HTR1F: variants seen among roughly 807,000 people sequenced by gnomAD.
HTR1F encodes the protein 5-hydroxytryptamine receptor 1F.
Under a neutral mutation model 24.0 loss-of-function variants are expected in HTR1F, and 17 were observed. The observed-to-expected ratio is 0.71, with a 90% CI of 0.48 to 1.06. The LOEUF is 1.06. Among genes scored for constraint, HTR1F ranks in the 50% least tolerant of loss-of-function variants. The pLI is 0.00. For missense variants in HTR1F, 391 were observed against 427.8 expected (o/e 0.91, Z 0.76); for synonymous variants, 186 against 156.8 (o/e 1.19, Z -1.39).
At chr3:87,838,654 A>G (rs1704732936) in intron 2 of HTR1F, among the ~76,000 whole-genome samples, 1 of 152,124 alleles carries the variant, frequency 6.6e-6, no homozygotes, top group Admixed American at 6.6e-5. Context: ...TATCCACTCA[A>G]TAATGGACTG....
chr3:87,889,988 A>C (rs1178118629), intron 2 of HTR1F, among the ~76,000 whole-genome samples: 1 of 152,232 alleles, frequency 6.6e-6, no homozygotes, highest in Non-Finnish European at 1.5e-5. Flanking sequence ...TAAAATTGTC[A>C]AAAGACACAA....
At chr3:87,929,490 T>A (rs1704207971) in intron 2 of HTR1F, among the ~76,000 whole-genome samples, 1 of 152,146 alleles carries the variant, frequency 6.6e-6, no homozygotes, top group Admixed American at 6.6e-5. Flanking sequence ...TAATAGGATA[T>A]AATTTATAGA....
rs113421002 is a variant in HTR1F, at chr3:87,859,153, G to A, written c.-43+37029G>A. The stretch of plus-strand genomic sequence containing the variant: ...GTGGAGGTTGCAGTGAGCCAAGATC[G>A]TGCCACTGCACTCCAGCCTCGGCAA... On this transcript the variant is annotated intron_variant, in intron 2 of 2. Coordinates refer to ENST00000319595, the MANE Select transcript of HTR1F (RefSeq NM_001322209.2). Among the ~76,000 whole-genome samples, 28 of 152,318 alleles carry A rather than the reference G, an allele frequency of 1.8e-4. 1 individual carries two copies. Among genetic ancestry groups the A allele is most frequent in the African/African-American group, 6.5e-4 (27 of 41,576 alleles).
At chr3:87,949,225 G>T (rs914754374) in intron 2 of HTR1F, among the ~76,000 whole-genome samples, 3 of 152,042 alleles carry the variant, frequency 2.0e-5, no homozygotes, top group Non-Finnish European at 4.4e-5. Flanking sequence ...GATCCTTTAG[G>T]GTAGTTTCTA....
chr3:87,871,709 C>A (rs1351205602), intron 2 of HTR1F, among the ~76,000 whole-genome samples: 51 of 152,050 alleles, frequency 3.4e-4, no homozygotes, highest in Non-Finnish European at 4.4e-5. Context: ...ATAAGATTAT[C>A]AGTGACTTAT....
chr3:87,918,065 T>G (rs1207112095), intron 2 of HTR1F, among the ~76,000 whole-genome samples: 4 of 151,988 alleles, frequency 2.6e-5, no homozygotes, highest in Non-Finnish European at 4.4e-5. Context: ...TGATTTAACA[T>G]ACACAAGTCA....
intron 2 of HTR1F, among the ~76,000 whole-genome samples, chr3:87,885,209 A>C (rs1559618699): frequency 6.6e-6 from 1 of 152,188 alleles, no homozygotes; most frequent in Non-Finnish European, 1.5e-5. Context: ...ACACAACTAC[A>C]TGGAAACTGA....
intron 1 of HTR1F, among the ~76,000 whole-genome samples, chr3:87,803,506 A>G (rs1165431963): frequency 6.6e-6 from 1 of 152,166 alleles, no homozygotes; most frequent in African/African-American, 2.4e-5. Context: ...CTACTGTGAA[A>G]TTGTAAGTAG....
chr3:87,876,486 A>G (rs1705675117), intron 2 of HTR1F, among the ~76,000 whole-genome samples: 1 of 152,244 alleles, frequency 6.6e-6, no homozygotes, highest in Non-Finnish European at 1.5e-5. Flanking sequence ...TGAATCTTGA[A>G]GACGTTATAC....
chr3:87,797,364 T>C (rs1575880219), intron 1 of HTR1F, among the ~76,000 whole-genome samples: 2 of 152,160 alleles, frequency 1.3e-5, no homozygotes, highest in East Asian at 3.9e-4. Flanking sequence ...TAGGCAGCTT[T>C]CCATATGTTA....
chr3:87,845,863 C>A (rs1223570810), intron 2 of HTR1F, among the ~76,000 whole-genome samples: 1 of 151,886 alleles, frequency 6.6e-6, no homozygotes, highest in Non-Finnish European at 1.5e-5. Context: ...TTTTCCTCTG[C>A]AAATATTATT....
intron 1 of HTR1F, among the ~76,000 whole-genome samples, chr3:87,821,614 G>A (rs1370165405): frequency 6.6e-6 from 1 of 152,132 alleles, no homozygotes; most frequent in Non-Finnish European, 1.5e-5. Context: ...GCTCCCTGGT[G>A]TCAGGGATGA....
intron 2 of HTR1F, among the ~76,000 whole-genome samples, chr3:87,829,964 A>G (rs1401829925): frequency 6.6e-6 from 1 of 152,126 alleles, no homozygotes; most frequent in Non-Finnish European, 1.5e-5. Context: ...AAAATTTTTT[A>G]TCCTTAAATA....
intron 2 of HTR1F, among the ~76,000 whole-genome samples, chr3:87,946,307 A>C (rs183577511): frequency 1.3e-5 from 2 of 152,146 alleles, no homozygotes; most frequent in Admixed American, 1.3e-4. Context: ...ACCAGAAGAG[A>C]GTGCAGTTGC....
chr3:87,841,069 A>T (rs1704792274), intron 2 of HTR1F, among the ~76,000 whole-genome samples: 1 of 151,966 alleles, frequency 6.6e-6, no homozygotes, highest in Admixed American at 6.6e-5. Flanking sequence ...TAAAGAAAGG[A>T]TTTTAAATAT....
At chr3:87,832,397 G>A (rs1704600494) in intron 2 of HTR1F, among the ~76,000 whole-genome samples, 1 of 146,706 alleles carries the variant, frequency 6.8e-6, no homozygotes, top group Admixed American at 7.1e-5. Flanking sequence ...GCGCGATCTC[G>A]GCTCACTGCA....
At chr3:87,944,665 G>A (rs1704651837) in intron 2 of HTR1F, among the ~76,000 whole-genome samples, 1 of 152,346 alleles carries the variant, frequency 6.6e-6, no homozygotes, top group African/African-American at 2.4e-5. Flanking sequence ...CATACTTTAA[G>A]ATTTTTGAGT....
intron 1 of HTR1F, among the ~76,000 whole-genome samples, chr3:87,813,551 G>A (rs1320550244): frequency 2.6e-5 from 4 of 152,196 alleles, no homozygotes; most frequent in African/African-American, 7.2e-5. Flanking sequence ...GGACCGTTGG[G>A]AAGGCATGAT....
chr3:87,875,985 C>A (rs1191967698), intron 2 of HTR1F, among the ~76,000 whole-genome samples: 2 of 149,884 alleles, frequency 1.3e-5, no homozygotes, highest in African/African-American at 2.4e-5. Flanking sequence ...ATACAAATAA[C>A]CAATAAGCAT....
Sources: allele counts gnomAD v4.1 joint callset (sites outside exome capture counted in the v4.1 genomes callset), GRCh38; gene constraint gnomAD v4.1.1; transcripts MANE v1.5; gene names NCBI Gene and HGNC (gene_info 2026-07-23, HGNC 2026-07-21).